The following SPACA7 variants were observed in gnomAD, a reference collection of about 807,000 sequenced individuals.
SPACA7 encodes the protein sperm acrosome-associated protein 7.
In SPACA7, 19 loss-of-function variants were observed where a neutral mutation model predicts 26.3. The ratio of observed to expected loss-of-function variants is 0.72; its 90% confidence interval spans 0.50 to 1.06. SPACA7 has a LOEUF of 1.06. SPACA7 is among the 50% of genes least tolerant of loss of function. The pLI is 0.00. For synonymous variants in SPACA7, 84 were observed against 84.5 expected (o/e 0.99, Z 0.04); for missense variants, 211 against 229.9 (o/e 0.92, Z 0.53).
chr13:112,391,161 A>T (rs1884864084), intron 1 of SPACA7, among the ~76,000 whole-genome samples: 1 of 152,232 alleles, frequency 6.6e-6, no homozygotes, highest in African/African-American at 2.4e-5. Flanking sequence ...AAAAAAGGTC[A>T]GAGTTTAGTC....
At chr13:112,393,154 T>C (rs1402878238) in intron 2 of SPACA7, 77 bp downstream of exon 2, 8 of 1,236,288 alleles carry the variant, frequency 6.5e-6, no homozygotes, top group African/African-American at 4.4e-5. Context: ...GTTTCCCAGA[T>C]AACCTGGTAC....
At chr13:112,426,501 T>C (rs1353015298) in intron 5 of SPACA7, among the ~76,000 whole-genome samples, 6 of 152,270 alleles carry the variant, frequency 3.9e-5, no homozygotes, top group African/African-American at 1.4e-4. Context: ...TTTGGTAAGA[T>C]CTGCCATCTT....
chr13:112,397,644 A>T (rs1387422712), intron 2 of SPACA7, among the ~76,000 whole-genome samples: 1 of 152,130 alleles, frequency 6.6e-6, no homozygotes, highest in Non-Finnish European at 1.5e-5. Flanking sequence ...AAAAGAAGAA[A>T]ATGCGGCTGT....
chr13:112,414,319 G>A (rs1473158196), intron 5 of SPACA7, among the ~76,000 whole-genome samples: 7 of 108,528 alleles, frequency 6.4e-5, no homozygotes, highest in Non-Finnish European at 9.7e-5. Context: ...ATTTATTATT[G>A]TTATTATTGT....
At chr13:112,412,977 T>A (rs1480400014) in intron 5 of SPACA7, among the ~76,000 whole-genome samples, 1 of 152,210 alleles carries the variant, frequency 6.6e-6, no homozygotes, top group Non-Finnish European at 1.5e-5. Context: ...ATCCCTACAC[T>A]TTAACTCATT....
At chr13:112,406,474 A>C (rs116427395) in intron 5 of SPACA7, among the ~76,000 whole-genome samples, 1 of 152,338 alleles carries the variant, frequency 6.6e-6, no homozygotes, top group African/African-American at 2.4e-5. Flanking sequence ...TATCTGATAG[A>C]GATTAATATT....
At chr13:112,424,491 T>C (rs1594325230) in intron 5 of SPACA7, among the ~76,000 whole-genome samples, 1 of 152,114 alleles carries the variant, frequency 6.6e-6, no homozygotes, top group Non-Finnish European at 1.5e-5. Flanking sequence ...GAACTTCACA[T>C]ATAGACAATG....
chr13:112,403,553 T>C (rs943539902), intron 5 of SPACA7, among the ~76,000 whole-genome samples: 2 of 152,140 alleles, frequency 1.3e-5, no homozygotes, highest in African/African-American at 4.8e-5. Flanking sequence ...ACCCAATTTG[T>C]AGTCTTTTAT....
chr13:112,399,018 G>A (rs760359160), intron 3 of SPACA7, 48 bp from the exon 4 acceptor site: 2 of 1,143,306 alleles, frequency 1.7e-6, no homozygotes, highest in Non-Finnish European at 2.6e-6. Context: ...TTATACCTGT[G>A]TAATCAAGAA....
At chr13:112,388,235 T>C (rs1884655858) in intron 1 of SPACA7, among the ~76,000 whole-genome samples, 1 of 152,200 alleles carries the variant, frequency 6.6e-6, no homozygotes, top group African/African-American at 2.4e-5. Flanking sequence ...ATTCTCCATC[T>C]GGGAAACCTC....
chr13:112,380,500 A>G (rs944727842), intron 1 of SPACA7, among the ~76,000 whole-genome samples: 1 of 151,978 alleles, frequency 6.6e-6, no homozygotes, highest in East Asian at 1.9e-4. Context: ...CTGCATTGCT[A>G]CACTCTTGAT....
chr13:112,382,427 G>A (rs369084282), intron 1 of SPACA7: 1 of 1,549,330 alleles, frequency 6.5e-7, no homozygotes, highest in Non-Finnish European at 8.7e-7. Context: ...GGTGCAGGCT[G>A]TGAAGATGGG....
chr13:112,420,361 G>T (rs567707305), intron 5 of SPACA7, among the ~76,000 whole-genome samples: 1 of 152,212 alleles, frequency 6.6e-6, no homozygotes. Context: ...GGAATTTCAG[G>T]AGAGATATGG....
At chr13:112,416,285 GTTGT>G (rs144432389) in intron 5 of SPACA7, among the ~76,000 whole-genome samples, 40,176 of 117,844 alleles carry the variant, frequency 0.34, 6,113 homozygotes, top group Non-Finnish European at 0.39. Flanking sequence ...TGTTGTTGTT[GTTGT>G]TTGTTGTTGT....
intron 5 of SPACA7, among the ~76,000 whole-genome samples, chr13:112,429,367 C>T (rs537270604): frequency 6.6e-6 from 1 of 150,488 alleles, no homozygotes; most frequent in African/African-American, 2.4e-5. Flanking sequence ...CAAAGTAAGA[C>T]CCCATCTCAA....
At chr13:112,383,495 T>C (rs998982051) in intron 1 of SPACA7, among the ~76,000 whole-genome samples, 1 of 152,232 alleles carries the variant, frequency 6.6e-6, no homozygotes. Context: ...AATAATTATT[T>C]TTCACTTAGA....
chr13:112,390,234 C>T (rs570443841), intron 1 of SPACA7, among the ~76,000 whole-genome samples: 2 of 152,232 alleles, frequency 1.3e-5, no homozygotes, highest in South Asian at 4.2e-4. Context: ...GCAGAGACTA[C>T]ATCTAGGAGA....
Position 112,432,421 on chromosome 13 carries a change from T to C in SPACA7, c.446-23T>C, listed in dbSNP as rs777324891. ...TTAATTATTTACAAAGAGTGATCAT[T>C]GTACTTATTGTTTTCCCCACAGAAA... On this transcript the variant is annotated intron_variant, in intron 5 of 6. Transcript: ENST00000283550. 18 of 1,548,758 alleles carry C rather than the reference T, an allele frequency of 1.2e-5. No homozygotes were observed. In the South Asian group the frequency reaches 2.0e-4, roughly 17 times the overall value.
intron 4 of SPACA7, among the ~76,000 whole-genome samples, 167 bp from the exon 5 acceptor site, chr13:112,400,902 C>G (rs918729548): frequency 2.6e-5 from 4 of 152,186 alleles, no homozygotes; most frequent in African/African-American, 9.7e-5. Flanking sequence ...TCAGATGAGG[C>G]CTGGCTCTGT....
Sources: gnomAD v4.1 joint callset for allele counts (sites outside exome capture counted in the v4.1 genomes callset) on GRCh38, gnomAD v4.1.1 for gene constraint, MANE v1.5 for transcripts, NCBI Gene and HGNC (gene_info 2026-07-23, HGNC 2026-07-21) for gene names.